PPP1R1C: variants seen among roughly 807,000 people sequenced by gnomAD.
PPP1R1C encodes the protein protein phosphatase 1 regulatory inhibitor subunit 1C, also known as protein phosphatase 1 regulatory subunit 1C.
PPP1R1C carries 15 observed loss-of-function variants against 17.4 expected under a neutral mutation model. The observed-to-expected ratio is 0.86, with a 90% CI of 0.58 to 1.33. The LOEUF (loss-of-function observed/expected upper bound fraction) is 1.33. Among genes scored for constraint, PPP1R1C ranks in the 40% most tolerant of loss-of-function variants. The probability of loss-of-function intolerance (pLI) is 0.00; values close to 1 mark genes in which losing one functional copy is unlikely to be tolerated. For synonymous variants in PPP1R1C, 35 were observed against 43.1 expected (o/e 0.81, Z 0.73); for missense variants, 143 against 130.0 (o/e 1.10, Z -0.48).
chr2:182,061,402 A>T, intron 2 of PPP1R1C, 40 bp from the exon 3 acceptor site: 2 of 1,296,532 alleles, frequency 1.5e-6, no homozygotes, highest in Non-Finnish European at 2.1e-6. Flanking sequence ...ACAAGAAAGA[A>T]TATTACATGC....
intron 2 of PPP1R1C, among the ~76,000 whole-genome samples, chr2:182,002,042 A>G (rs1685781732): frequency 6.6e-6 from 1 of 152,148 alleles, no homozygotes; most frequent in Admixed American, 6.6e-5. Context: ...GTGCTTATTA[A>G]CATGCGTATC....
chr2:182,016,588 A>G (rs1686268476), intron 2 of PPP1R1C, among the ~76,000 whole-genome samples: 1 of 152,238 alleles, frequency 6.6e-6, no homozygotes, highest in Non-Finnish European at 1.5e-5. Flanking sequence ...GTGGTCTAAT[A>G]AAAGTTTTCT....
At chr2:182,035,164 C>T (rs1411342744) in intron 2 of PPP1R1C, among the ~76,000 whole-genome samples, 1 of 152,184 alleles carries the variant, frequency 6.6e-6, no homozygotes, top group Non-Finnish European at 1.5e-5. Context: ...TTCATCGCCA[C>T]ATCACCTTGC....
intron 2 of PPP1R1C, among the ~76,000 whole-genome samples, chr2:182,027,129 C>T (rs1317441256): frequency 6.9e-6 from 1 of 144,450 alleles, no homozygotes; most frequent in Non-Finnish European, 1.5e-5. Flanking sequence ...ATGGGGTTTT[C>T]TAGATATACA....
intron 4 of PPP1R1C, chr2:182,103,688 A>G (rs1423606663): frequency 1.3e-5 from 2 of 152,228 alleles, no homozygotes; most frequent in African/African-American, 4.8e-5. Flanking sequence ...AACAGTTGCA[A>G]AGCTCAGAGT....
chr2:182,007,223 GAC>G (rs897452725), intron 2 of PPP1R1C, among the ~76,000 whole-genome samples: 1 of 151,814 alleles, frequency 6.6e-6, no homozygotes, highest in Non-Finnish European at 1.5e-5. Context: ...GTTATTGTTG[GAC>G]ACACACACAT....
At chr2:182,125,266 A>G (rs916063409) in intron 5 of PPP1R1C, among the ~76,000 whole-genome samples, 3 of 152,176 alleles carry the variant, frequency 2.0e-5, no homozygotes, top group Non-Finnish European at 4.4e-5. Context: ...ATCACAGTAG[A>G]TAAGCTTTTT....
At chr2:181,992,585 T>A (rs16867519) in intron 2 of PPP1R1C, among the ~76,000 whole-genome samples, 8,604 of 134,394 alleles carry the variant, frequency 0.064, 2,065 homozygotes, top group African/African-American at 0.12. Context: ...GTGAGCTGTA[T>A]GAGGCCTGGA....
At chr2:182,064,264 A>G (rs1347140151) in intron 4 of PPP1R1C, 1 of 156,452 alleles carries the variant, frequency 6.4e-6, no homozygotes, top group Non-Finnish European at 1.4e-5. Context: ...TTCACTGTAC[A>G]TGTAACTACT....
rs1354364773 is a variant in PPP1R1C at position 182,056,392 on chromosome 2, C to G, written c.143-5050C>G. The stretch of plus-strand genomic sequence containing the variant: ...GTTTAACTAATTTTTGACTGTGGCT[C>G]TATCTTTTTAGTCATCTCTTTTTGT... On this transcript the variant is annotated intron_variant, in intron 2 of 4. Transcript: ENST00000682840. Among the ~76,000 whole-genome samples the G allele has an allele frequency of 5.9e-5, 9 of 152,288 alleles. No homozygotes were observed. The South Asian group carries it at 1.4e-3, about 25-fold the overall frequency.
rs1684778724 is a variant in PPP1R1C, at chr2:181,961,295, C to G, written n.111+6661C>G. ...ATGGTTTGCATGGAGTTGCTGTTGT[C>G]CAGGGCATCACCAAGATTGAAGTCA... is the stretch of plus-strand genomic sequence containing the variant. On this transcript the variant is annotated intron_variant and non_coding_transcript_variant, in intron 1 of 5. Coordinates refer to the PPP1R1C transcript ENST00000464264. The surrounding 1 kb of genome is among the most constrained non-coding windows in gnomAD (Gnocchi z 5.8). 1.4e-6 allele frequency: 1 copy of G among 738,314 alleles called. No individual in the cohort carries two copies. The allele number at this position is 738,314 out of a possible 1,614,324, so 45.7% of individuals were successfully genotyped here.
At chr2:182,114,899 T>C (rs1325987654) in intron 4 of PPP1R1C, among the ~76,000 whole-genome samples, 1 of 152,216 alleles carries the variant, frequency 6.6e-6, no homozygotes, top group Non-Finnish European at 1.5e-5. Flanking sequence ...CAAGCAGACC[T>C]ATTCTCAAGT....
Position 182,068,468 on chromosome 2 carries a change from G to C in PPP1R1C, c.241+4677G>C, listed in dbSNP as rs150404956. Among the ~76,000 whole-genome samples the C allele has an allele frequency of 2.2e-3, 340 of 152,256 alleles. 1 individual carries two copies. The highest frequency in any genetic ancestry group is 7.7e-3 in the African/African-American group (318 of 41,548). The stretch of plus-strand genomic sequence containing the variant: ...TTTTCATCCCAGTGAGACTTGAAAA[G>C]TCGGGTTTAAGATGCCTAGATGTAA... On this transcript the variant is annotated intron_variant, in intron 4 of 4. Coordinates refer to ENST00000682840, the MANE Select transcript of PPP1R1C (RefSeq NM_001080545.3).
chr2:182,031,669 T>A (rs1195347114), intron 2 of PPP1R1C, among the ~76,000 whole-genome samples: 1 of 152,182 alleles, frequency 6.6e-6, no homozygotes, highest in Non-Finnish European at 1.5e-5. Context: ...TTTAGTCCCA[T>A]TGCAATATGA....
downstream of PPP1R1C, among the ~76,000 whole-genome samples, chr2:182,119,656 G>A (rs1236375154): frequency 2.6e-5 from 4 of 152,210 alleles, no homozygotes; most frequent in Non-Finnish European, 5.9e-5. Flanking sequence ...CTGATGGCCA[G>A]TGATGATGAG....
chr2:182,081,077 A>T (rs10930986), intron 4 of PPP1R1C, among the ~76,000 whole-genome samples: 6 of 152,110 alleles, frequency 3.9e-5, no homozygotes, highest in Admixed American at 3.9e-4. Context: ...GATTAACTTC[A>T]TTTAAAGCAT....
At chr2:182,042,904 T>C (rs940425119) in intron 2 of PPP1R1C, among the ~76,000 whole-genome samples, 4 of 152,182 alleles carry the variant, frequency 2.6e-5, no homozygotes, top group African/African-American at 9.7e-5. Context: ...CTAGAGATGA[T>C]TGTGAGCCTT....
At chr2:182,050,943 A>C (rs1294079736) in intron 2 of PPP1R1C, among the ~76,000 whole-genome samples, 1 of 152,228 alleles carries the variant, frequency 6.6e-6, no homozygotes, top group East Asian at 1.9e-4. Context: ...TCTCTTGAGT[A>C]ACTTTAAAAA....
intron 1 of PPP1R1C, among the ~76,000 whole-genome samples, chr2:181,969,047 T>G (rs546171241): frequency 1.2e-4 from 19 of 152,290 alleles, no homozygotes; most frequent in African/African-American, 4.3e-4. Context: ...ATTTGTGTCT[T>G]ATTGTACTTC....
Sources: allele counts gnomAD v4.1 joint callset (sites outside exome capture counted in the v4.1 genomes callset), GRCh38; gene constraint gnomAD v4.1.1; non-coding constraint Gnocchi (gnomAD v3.1); transcripts MANE v1.5; gene names NCBI Gene and HGNC (gene_info 2026-07-23, HGNC 2026-07-21).